The following PTPN3 variants were observed in gnomAD, a reference collection of about 807,000 sequenced individuals.
The protein encoded by PTPN3 is protein tyrosine phosphatase non-receptor type 3.
In PTPN3, 96 loss-of-function variants were observed where a neutral mutation model predicts 132.7. That is an observed-to-expected ratio of 0.72 (90% CI 0.61 to 0.86). The LOEUF is 0.86. Among genes scored for constraint, PTPN3 ranks in the 40% least tolerant of loss-of-function variants. PTPN3 has a pLI of 0.00. For synonymous variants in PTPN3, 398 were observed against 429.0 expected (o/e 0.93, Z 0.89); for missense variants, 1,125 against 1,159.6 (o/e 0.97, Z 0.43).
chr9:109,533,058 C>T, the PTPN3 span: 1 of 255,132 alleles, frequency 3.9e-6, no homozygotes, highest in Non-Finnish European at 6.8e-6. Flanking sequence ...CGGGTTCAGG[C>T]AATTCTCCTG....
At chr9:109,429,556 G>C (rs1164780436) in intron 10 of PTPN3, among the ~76,000 whole-genome samples, 6 of 152,186 alleles carry the variant, frequency 3.9e-5, no homozygotes, top group African/African-American at 1.4e-4. Flanking sequence ...ATTAACAAAG[G>C]TTTGAACTAT....
rs1045283831 is a variant in PTPN3, at chr9:109,444,390, G to A, written c.466+850C>T. Among the ~76,000 whole-genome samples the A allele has an allele frequency of 4.6e-5, 7 of 152,086 alleles. No homozygotes were observed. In the South Asian group the frequency reaches 8.3e-4, roughly 18 times the overall value. On this transcript the variant is annotated intron_variant, in intron 7 of 25. Transcript: ENST00000374541. ...ATAAAGTTTTGCTGATTGAATGAGC[G>A]GATTCCTACTCCAGTTTAAACCAGC...
Position 109,497,610 on chromosome 9 carries a change from G to A in PTPN3, c.-18+609C>T, listed in dbSNP as rs76954947. Among the ~76,000 whole-genome samples the A allele has an allele frequency of 2.6e-5, 4 of 152,300 alleles. No individual in the cohort carries two copies. The South Asian group carries it at 6.2e-4, about 24-fold the overall frequency. Reference sequence around the variant, plus strand: ...AGCTGAAAATGGGAATTTCGGGGGGGCTGGGCACTCTCACATACACTCCCC... The same window carrying A: ...AGCTGAAAATGGGAATTTCGGGGGGACTGGGCACTCTCACATACACTCCCC... On this transcript the variant is annotated intron_variant, in intron 1 of 25. Transcript: ENST00000374541.
the PTPN3 span, among the ~76,000 whole-genome samples, chr9:109,504,141 A>G: frequency 1.3e-5 from 2 of 152,210 alleles, no homozygotes; most frequent in South Asian, 4.1e-4. Context: ...TCTTGCGGGT[A>G]TCTGGGGGAA....
At chr9:109,462,492 A>G (rs1368396368) in intron 2 of PTPN3, among the ~76,000 whole-genome samples, 1 of 151,992 alleles carries the variant, frequency 6.6e-6, no homozygotes, top group Non-Finnish European at 1.5e-5. Flanking sequence ...TTCCTTGCAC[A>G]CTGAACTTTA....
intron 5 of PTPN3, chr9:109,450,922 G>A (rs1050986806): frequency 3.0e-6 from 3 of 985,124 alleles, no homozygotes; most frequent in Admixed American, 1.2e-4. Context: ...TTTGACTCTT[G>A]AGAGCTAAAA....
intron 2 of PTPN3, among the ~76,000 whole-genome samples, chr9:109,459,026 A>T (rs7864811): frequency 0.58 from 88,722 of 152,066 alleles, 26,272 homozygotes; most frequent in African/African-American, 0.67. Flanking sequence ...CACCATCAGC[A>T]GAAGGACAGT....
the PTPN3 span, among the ~76,000 whole-genome samples, chr9:109,517,129 A>C: frequency 6.6e-6 from 1 of 152,200 alleles, no homozygotes. Flanking sequence ...TTGCAGAGGC[A>C]CTGAAAAGTC....
At chr9:109,415,855 C>A (rs1198383029) in intron 14 of PTPN3, among the ~76,000 whole-genome samples, 1 of 152,128 alleles carries the variant, frequency 6.6e-6, no homozygotes, top group Non-Finnish European at 1.5e-5. Context: ...GGGCTGGACA[C>A]CAACATGAGG....
chr9:109,510,574 A>ATATATAT, the PTPN3 span, among the ~76,000 whole-genome samples: 7 of 49,188 alleles, frequency 1.4e-4, no homozygotes, highest in East Asian at 6.5e-4. Context: ...AAAAAAAAAA[A>ATATATAT]AAATATATAT....
At chr9:109,533,126 A>ATTTTTTTTTTTTTT in the PTPN3 span, among the ~76,000 whole-genome samples, 3 of 36,552 alleles carry the variant, frequency 8.2e-5, no homozygotes, top group African/African-American at 2.4e-4. Flanking sequence ...TACCTGGCTA[A>ATTTTTTTTTTTTTT]TTTTTTTTTT....
At chr9:109,506,546 C>CCCTTCCTCCCTCCTTTCCTT in the PTPN3 span, among the ~76,000 whole-genome samples, 3 of 150,164 alleles carry the variant, frequency 2.0e-5, no homozygotes, top group East Asian at 5.8e-4. Flanking sequence ...CTCCTTTCCT[C>CCCTTCCTCCCTCCTTTCCTT]CCTTCCTCCC....
At chr9:109,538,383 C>T in the PTPN3 span, among the ~76,000 whole-genome samples, 1 of 152,168 alleles carries the variant, frequency 6.6e-6, no homozygotes, top group Non-Finnish European at 1.5e-5. Context: ...GAACTTGTCT[C>T]AGAAATCTTG....
At chr9:109,400,422 C>T (rs1840993153) in intron 19 of PTPN3, among the ~76,000 whole-genome samples, 1 of 152,174 alleles carries the variant, frequency 6.6e-6, no homozygotes, top group South Asian at 2.1e-4. Context: ...ACAGAGGCCA[C>T]AGAGGTTAGG....
the PTPN3 span, among the ~76,000 whole-genome samples, chr9:109,506,665 C>T: frequency 1.3e-5 from 2 of 149,868 alleles, no homozygotes; most frequent in South Asian, 2.1e-4. Context: ...TGCAGAGGTA[C>T]ATTCTCAGCT....
intron 19 of PTPN3, among the ~76,000 whole-genome samples, chr9:109,403,452 G>A (rs1841312480): frequency 6.6e-6 from 1 of 152,164 alleles, no homozygotes; most frequent in South Asian, 2.1e-4. Flanking sequence ...TATTTCTAAT[G>A]ATGATCTATT....
At chr9:109,456,152 G>A (rs1357350072) in intron 4 of PTPN3, among the ~76,000 whole-genome samples, 2 of 152,240 alleles carry the variant, frequency 1.3e-5, no homozygotes, top group Non-Finnish European at 2.9e-5. Flanking sequence ...AGGCAGGTGT[G>A]CGTGTGTGTG....
At chr9:109,478,846 G>T (rs1262005719) in intron 1 of PTPN3, among the ~76,000 whole-genome samples, 1 of 152,174 alleles carries the variant, frequency 6.6e-6, no homozygotes, top group African/African-American at 2.4e-5. Context: ...AGGGGACCAG[G>T]CTTCGCCCAT....
chr9:109,437,662 C>T (rs935365526), intron 8 of PTPN3, among the ~76,000 whole-genome samples: 4 of 152,178 alleles, frequency 2.6e-5, no homozygotes, highest in Admixed American at 2.0e-4. Flanking sequence ...CTCATGCTCC[C>T]CACTTGGACA....
Sources: gnomAD v4.1 joint callset for allele counts (sites outside exome capture counted in the v4.1 genomes callset) on GRCh38, gnomAD v4.1.1 for gene constraint, MANE v1.5 for transcripts, NCBI Gene and HGNC (gene_info 2026-07-23, HGNC 2026-07-21) for gene names.